The following TAFA1 variants were observed in gnomAD, a reference collection of about 807,000 sequenced individuals.
TAFA1 encodes chemokine-like protein TAFA-1.
In TAFA1, 4 loss-of-function variants were observed where a neutral mutation model predicts 18.5. That is an observed-to-expected ratio of 0.22 (90% CI 0.11 to 0.49). TAFA1 has a LOEUF of 0.49. Ranked by LOEUF, TAFA1 falls within the 20% of genes least tolerant of loss-of-function variation. The pLI, the probability that TAFA1 is intolerant of heterozygous loss-of-function variation, is 0.98. For missense variants in TAFA1, 147 were observed against 169.0 expected (o/e 0.87, Z 0.72); for synonymous variants, 56 against 55.2 (o/e 1.01, Z -0.06).
chr3:68,278,173 T>C (rs75210286), intron 2 of TAFA1, among the ~76,000 whole-genome samples: 2,609 of 152,228 alleles, frequency 0.017, 85 homozygotes, highest in East Asian at 0.13. Context: ...ACAGTAGCTG[T>C]GAGTTTCTTT....
intron 2 of TAFA1, among the ~76,000 whole-genome samples, chr3:68,107,734 G>T (rs890766848): frequency 6.6e-6 from 1 of 152,092 alleles, no homozygotes; most frequent in Admixed American, 6.6e-5. Flanking sequence ...TAAGTTTCCA[G>T]GAGTGGCTGC....
chr3:68,094,212 C>G (rs376525397), intron 2 of TAFA1, among the ~76,000 whole-genome samples: 1 of 152,070 alleles, frequency 6.6e-6, no homozygotes, highest in African/African-American at 2.4e-5. Context: ...TAAAAAAACT[C>G]TAATTCCATC....
chr3:68,109,599 G>C (rs2065242066), intron 2 of TAFA1, among the ~76,000 whole-genome samples: 1 of 152,062 alleles, frequency 6.6e-6, no homozygotes, highest in East Asian at 1.9e-4. Context: ...TCTTAGAAGA[G>C]GTAATATTCC....
intron 3 of TAFA1, among the ~76,000 whole-genome samples, chr3:68,492,052 C>G (rs1339270788): frequency 6.6e-6 from 1 of 152,180 alleles, no homozygotes; most frequent in Non-Finnish European, 1.5e-5. Context: ...TACGTACAAG[C>G]AGTTCTGTAC....
intron 2 of TAFA1, among the ~76,000 whole-genome samples, chr3:68,358,112 C>G (rs946345995): frequency 2.0e-5 from 3 of 151,826 alleles, no homozygotes; most frequent in Admixed American, 6.6e-5. Flanking sequence ...AGCAATAAAG[C>G]TAAAAGTCAA....
intron 2 of TAFA1, among the ~76,000 whole-genome samples, chr3:68,275,437 G>T (rs990963284): frequency 4.6e-5 from 7 of 151,266 alleles, no homozygotes; most frequent in Non-Finnish European, 2.9e-5. Flanking sequence ...AGGAAAGGGG[G>T]CTTCAAGCAA....
At position 68,479,179 on chromosome 3, in the gene TAFA1, C is replaced by A. The variant is rs188996972; in HGVS notation, c.260-59577C>A. Among the ~76,000 whole-genome samples the A allele has an allele frequency of 4.3e-5, 6 of 140,460 alleles. No individual in the cohort carries two copies. In the East Asian group the frequency reaches 1.2e-3, roughly 29 times the overall value. 92.1% of individuals were successfully genotyped at this position (140,460 alleles called of 152,430 possible). ...CCAGGAGGTGGAGGTTGCAGTGAGC[C>A]GAGATTGTGCCACTGCACTCCAGCC... On this transcript the variant is annotated intron_variant, in intron 3 of 4. Transcript: ENST00000478136.
intron 3 of TAFA1, among the ~76,000 whole-genome samples, chr3:68,481,826 A>C (rs916332450): frequency 1.3e-5 from 2 of 152,006 alleles, no homozygotes; most frequent in African/African-American, 4.8e-5. Context: ...TTCCTTCATT[A>C]TTTTCCTACT....
intron 2 of TAFA1, among the ~76,000 whole-genome samples, chr3:68,063,415 A>G (rs1028807951): frequency 2.6e-5 from 4 of 152,224 alleles, no homozygotes; most frequent in Admixed American, 1.3e-4. Context: ...ATAATTATAC[A>G]TATGTTTTAG....
chr3:68,281,125 AT>A (rs2067890258), intron 2 of TAFA1, among the ~76,000 whole-genome samples: 1 of 152,090 alleles, frequency 6.6e-6, no homozygotes, highest in African/African-American at 2.4e-5. Context: ...TATCATTTTA[AT>A]TTTTTATTTA....
At chr3:68,099,363 A>C (rs1398782034) in intron 2 of TAFA1, among the ~76,000 whole-genome samples, 1 of 152,204 alleles carries the variant, frequency 6.6e-6, no homozygotes, top group Non-Finnish European at 1.5e-5. Flanking sequence ...GACACTTCTC[A>C]AAAGAAGACA....
At chr3:68,408,716 GAATT>G (rs1389771942) in intron 2 of TAFA1, among the ~76,000 whole-genome samples, 1 of 151,858 alleles carries the variant, frequency 6.6e-6, no homozygotes, top group East Asian at 1.9e-4. Flanking sequence ...AAGAGATAAA[GAATT>G]AAACAAGATG....
chr3:68,024,807 A>ACACACACT (rs1704778296), intron 2 of TAFA1, among the ~76,000 whole-genome samples: 1 of 151,304 alleles, frequency 6.6e-6, no homozygotes, highest in Non-Finnish European at 1.5e-5. Flanking sequence ...TCCTTAATGC[A>ACACACACT]CACACACACA....
intron 2 of TAFA1, among the ~76,000 whole-genome samples, chr3:68,052,881 A>T (rs1242741584): frequency 6.6e-6 from 1 of 152,226 alleles, no homozygotes; most frequent in Non-Finnish European, 1.5e-5. Flanking sequence ...GGAAGAGTTT[A>T]TAATTGGTTC....
intron 3 of TAFA1, among the ~76,000 whole-genome samples, chr3:68,429,622 T>C (rs2071128839): frequency 6.6e-6 from 1 of 151,926 alleles, no homozygotes; most frequent in Non-Finnish European, 1.5e-5. Flanking sequence ...CACACCATCA[T>C]CATTCATGTT....
At chr3:68,036,723 T>C (rs1705057458) in intron 2 of TAFA1, among the ~76,000 whole-genome samples, 1 of 152,092 alleles carries the variant, frequency 6.6e-6, no homozygotes, top group African/African-American at 2.4e-5. Flanking sequence ...CTTAACTCTC[T>C]CCTATTTATC....
At chr3:68,501,217 T>C (rs930374734) in intron 3 of TAFA1, among the ~76,000 whole-genome samples, 1 of 151,268 alleles carries the variant, frequency 6.6e-6, no homozygotes, top group Non-Finnish European at 1.5e-5. Flanking sequence ...AAATATCTAG[T>C]TCCAAACTTA....
intron 2 of TAFA1, among the ~76,000 whole-genome samples, chr3:68,319,768 T>G (rs1308886426): frequency 1.3e-5 from 2 of 152,212 alleles, no homozygotes; most frequent in African/African-American, 4.8e-5. Context: ...TTAAAATACA[T>G]GTTTTCATAT....
chr3:68,364,945 C>T (rs1244317821), intron 2 of TAFA1, among the ~76,000 whole-genome samples: 2 of 152,148 alleles, frequency 1.3e-5, no homozygotes, highest in Non-Finnish European at 2.9e-5. Flanking sequence ...TGAACCTAAA[C>T]ATGTGTTTGC....
Sources: gnomAD v4.1 joint callset for allele counts (sites outside exome capture counted in the v4.1 genomes callset) on GRCh38, gnomAD v4.1.1 for gene constraint, MANE v1.5 for transcripts, NCBI Gene and HGNC (gene_info 2026-07-23, HGNC 2026-07-21) for gene names.